The following MACF1 variants were observed in gnomAD, a reference collection of about 807,000 sequenced individuals.
MACF1 encodes the protein microtubule-actin cross-linking factor 1.
Under a neutral mutation model 854.8 loss-of-function variants are expected in MACF1, and 193 were observed. That is an observed-to-expected ratio of 0.23 (90% CI 0.20 to 0.25). The LOEUF (loss-of-function observed/expected upper bound fraction) is 0.25, where lower values mean the gene tolerates loss of function less well. Among genes scored for constraint, MACF1 ranks in the 10% least tolerant of loss-of-function variants. The pLI, the probability that MACF1 is intolerant of heterozygous loss-of-function variation, is 1.00. For synonymous variants in MACF1, 3,185 were observed against 3,226.7 expected, an observed-to-expected ratio of 0.99 and a Z score of 0.44; for missense variants, 7,722 against 8,929.1, an observed-to-expected ratio of 0.86 and a Z score of 5.45.
chr1:39,129,695 G>C (rs938952602), intron 2 of MACF1, among the ~76,000 whole-genome samples: 22 of 152,184 alleles, frequency 1.4e-4, no homozygotes, highest in African/African-American at 5.1e-4. Flanking sequence ...TATTGAAGTA[G>C]TGTAAAACCT....
chr1:39,208,534 A>G (rs1447410829), intron 1 of MACF1, among the ~76,000 whole-genome samples: 2 of 152,068 alleles, frequency 1.3e-5, no homozygotes, highest in African/African-American at 4.8e-5. Context: ...GTTCACTGCA[A>G]ATTCTGCCAT....
At chr1:39,090,203 T>C (rs543299615) in intron 2 of MACF1, among the ~76,000 whole-genome samples, 4 of 152,368 alleles carry the variant, frequency 2.6e-5, no homozygotes, top group African/African-American at 9.6e-5. Context: ...TTCCTTGCCC[T>C]GAGGCTCTTC....
chr1:39,431,671 A>G (rs1157265161), intron 66 of MACF1, among the ~76,000 whole-genome samples: 1 of 152,154 alleles, frequency 6.6e-6, no homozygotes, highest in Non-Finnish European at 1.5e-5. Flanking sequence ...AGAGGAAGAG[A>G]TAAAAGACTG....
At position 39,380,245 on chromosome 1, in the gene MACF1, C is replaced by G; in HGVS notation, c.13520C>G (p.Ala4507Gly). The change falls in exon 55 of 101, where the codon GCC (alanine) becomes GGC (glycine). Residue 4507 changes from alanine to glycine, a missense_variant and splice_region_variant. Transcript: ENST00000564288. Reference sequence around the variant, plus strand: ...CATGCATGGCATTCTTTCTCCTAGGCCTTCCTGGCTGAGTTGGAACAGAAT... The same window carrying G: ...CATGCATGGCATTCTTTCTCCTAGGGCTTCCTGGCTGAGTTGGAACAGAAT... ...TVKAQAESNK[A>G]FLAELEQNSP... The G allele has an allele frequency of 6.2e-7, 1 of 1,612,542 alleles. No homozygotes were observed. The highest frequency in any genetic ancestry group is 8.5e-7 in the Non-Finnish European group (1 of 1,179,308).
intron 1 of MACF1, among the ~76,000 whole-genome samples, chr1:39,229,078 A>G (rs1267453410): frequency 1.3e-5 from 2 of 152,238 alleles, no homozygotes; most frequent in South Asian, 2.1e-4. Flanking sequence ...TGAATTCTCT[A>G]TTATCCTAAA....
At chr1:39,455,637 G>T (rs1411466427) in intron 89 of MACF1, among the ~76,000 whole-genome samples, 2 of 152,120 alleles carry the variant, frequency 1.3e-5, no homozygotes, top group South Asian at 4.1e-4. Flanking sequence ...ATACAGGAGT[G>T]GGAATCCTGG....
intron 2 of MACF1, among the ~76,000 whole-genome samples, chr1:39,135,983 T>C (rs1489478390): frequency 6.6e-6 from 1 of 152,246 alleles, no homozygotes; most frequent in Admixed American, 6.5e-5. Flanking sequence ...TGTGCCAACC[T>C]GGCTTTCCAG....
intron 98 of MACF1, 59 bp downstream of exon 98, chr1:39,480,068 T>C: frequency 1.9e-6 from 2 of 1,066,980 alleles, no homozygotes; most frequent in Non-Finnish European, 2.7e-6. Context: ...AGATGTTCAT[T>C]GTTCACGGTA....
At position 39,336,186 on chromosome 1, in the gene MACF1, A is replaced by T; in HGVS notation, c.9598A>T (p.Arg3200Trp). The change falls in exon 37 of 101, where the codon AGG becomes TGG. Residue 3200 changes from arginine to tryptophan, a missense_variant. Physicochemically the swap from Arg to Trp is moderately radical, Grantham distance 101. This residue lies in a region of MACF1 where 854 missense variants were observed against 852.6 expected (regional missense o/e 1.00). Transcript: ENST00000564288. ...TVSRPDSKEV[R>W]YLEFSDRKDL... is the part of the protein sequence containing the mutation. ...TTCTAGACCAGATTCAAAAGAAGTC[A>T]GGTATCTAGAATTCTCAGACAGAAA... 1 of 1,614,172 alleles carries T rather than the reference A, an allele frequency of 6.2e-7. No individual in the cohort carries two copies. Among genetic ancestry groups the T allele is most frequent in the Non-Finnish European group, 8.5e-7 (1 of 1,180,002 alleles).
intron 58 of MACF1, chr1:39,412,209 G>T (rs1643043382): frequency 2.5e-6 from 4 of 1,613,856 alleles, no homozygotes; most frequent in Non-Finnish European, 3.4e-6. Context: ...AGTGCATTGA[G>T]AGGGTCACCT....
chr1:39,439,585 G>A, intron 72 of MACF1, 85 bp downstream of exon 72: 1 of 1,048,858 alleles, frequency 9.5e-7, no homozygotes, highest in Admixed American at 2.3e-5. Flanking sequence ...TATGTTAACT[G>A]CTTAGCCAGG....
At position 39,409,693 on chromosome 1, in the gene MACF1, TC is replaced by T. The variant is rs1642899481; in HGVS notation, c.15817-12679del. The T allele has an allele frequency of 6.6e-6, 1 of 152,402 alleles. No individual in the cohort carries two copies. The highest frequency in any genetic ancestry group is 1.5e-5 in the Non-Finnish European group (1 of 68,186). The allele number at this position is 152,402 out of a possible 1,614,324, so 9.4% of individuals were successfully genotyped here. ...TCCTGTGTTTAAAGTTGCAGGAATA[TC>T]CGCCGACCAGCCCAGTTCAAATGCA... On this transcript the variant is annotated intron_variant, in intron 58 of 100. Transcript: ENST00000564288. The surrounding 1 kb of genome is among the most constrained non-coding windows in gnomAD (Gnocchi z 4.2).
At position 39,434,579 on chromosome 1, in the gene MACF1, C is replaced by A; in HGVS notation, c.17731C>A (p.Pro5911Thr). The part of the protein sequence containing the change: ...EETRALIAQL[P>T]SPAIDHEQLR... The stretch of plus-strand genomic sequence containing the variant: ...AACTCGGGCACTAATAGCACAGTTA[C>A]CCTCTCCAGCCATTGATCATGAGCA... The change falls in exon 69 of 101, where the codon CCC (proline) becomes ACC (threonine). Residue 5911 changes from proline to threonine, a missense_variant. This residue lies in a region of MACF1 where 2,807 missense variants were observed against 3,235.8 expected (regional missense o/e 0.87). Coordinates refer to ENST00000564288, the MANE Select transcript of MACF1 (RefSeq NM_001394062.1). The A allele has an allele frequency of 6.2e-7, 1 of 1,614,138 alleles. No homozygotes were observed. The highest frequency in any genetic ancestry group is 8.5e-7 in the Non-Finnish European group (1 of 1,180,020).
In MACF1 at chr1:39,089,237, T is replaced by C. The variant is rs530039354; in HGVS notation, c.220+4799T>C. On this transcript the variant is annotated intron_variant, in intron 2 of 93. Coordinates refer to the MACF1 transcript ENST00000361689. ...GTAGTTAGAAGGGAAAAAATAATTATATCCCCGTATGTGTTGTGAAAAAGG... is the reference window on the plus strand; with the variant it reads ...GTAGTTAGAAGGGAAAAAATAATTACATCCCCGTATGTGTTGTGAAAAAGG... Among the ~76,000 whole-genome samples the C allele has an allele frequency of 1.6e-4, 24 of 152,266 alleles. No homozygotes were observed. In the South Asian group the frequency reaches 4.6e-3, roughly 29 times the overall value.
chr1:39,457,173 A>T (rs1016266659), intron 89 of MACF1: 2 of 152,284 alleles, frequency 1.3e-5, no homozygotes, highest in African/African-American at 4.8e-5. Context: ...CATACAGTAA[A>T]CTAGAAGCAG....
intron 2 of MACF1, among the ~76,000 whole-genome samples, chr1:39,136,085 T>G (rs1262898972): frequency 6.6e-6 from 1 of 152,194 alleles, no homozygotes; most frequent in East Asian, 1.9e-4. Context: ...AAATATCCCA[T>G]TATTGACACT....
rs1569676470 is a variant in MACF1, at chr1:39,357,542, A to G, written c.11592A>G (p.Gln3864=). The change falls in exon 45 of 101, where the codon CAA becomes CAG. Residue 3864 remains glutamine, a synonymous_variant. Transcript: ENST00000564288. The part of the protein sequence containing the change: ...LKEQYSTSLA[Q]SEAELKQVQT... ...AACAATACTCTACTTCCCTGGCCCA[A>G]TCAGAGGCAGAACTGAAGCAGGTGC... The G allele has an allele frequency of 4.3e-6, 7 of 1,614,190 alleles. No homozygotes were observed. The highest frequency in any genetic ancestry group is 3.3e-5 in the South Asian group (3 of 91,088).
chr1:39,411,602 C>T, intron 58 of MACF1: 10 of 1,613,918 alleles, frequency 6.2e-6, no homozygotes, highest in Non-Finnish European at 6.8e-6. Flanking sequence ...GTTTCAGATT[C>T]AGCATGTACT....
chr1:39,123,063 C>T (rs1642758401), intron 2 of MACF1, among the ~76,000 whole-genome samples: 1 of 151,994 alleles, frequency 6.6e-6, no homozygotes, highest in South Asian at 2.1e-4. Flanking sequence ...ATTAGCTGAT[C>T]ACTGAGATCA....
Sources: gnomAD v4.1 joint callset for allele counts (sites outside exome capture counted in the v4.1 genomes callset) on GRCh38, gnomAD v4.1.1 for gene constraint, gnomAD v4.1.1 regional missense constraint, Gnocchi (gnomAD v3.1) non-coding constraint, MANE v1.5 for transcripts, NCBI Gene and HGNC (gene_info 2026-07-23, HGNC 2026-07-21) for gene names.